ASAP3: variants seen among roughly 807,000 people sequenced by gnomAD.
ASAP3 encodes the protein arf-GAP with SH3 domain, ANK repeat and PH domain-containing protein 3.
ASAP3 carries 85 observed loss-of-function variants against 118.2 expected under a neutral mutation model. That is an observed-to-expected ratio of 0.72 (90% CI 0.60 to 0.86). ASAP3 has a LOEUF of 0.86. Ranked by LOEUF, ASAP3 falls within the 40% of genes least tolerant of loss-of-function variation. The probability of loss-of-function intolerance (pLI) is 0.00; values close to 1 mark genes in which losing one functional copy is unlikely to be tolerated. For missense variants in ASAP3, 1,026 were observed against 1,175.0 expected, an observed-to-expected ratio of 0.87 and a Z score of 1.85; for synonymous variants, 432 against 477.4, an observed-to-expected ratio of 0.90 and a Z score of 1.24.
intron 17 of ASAP3, 128 bp from the exon 18 acceptor site, chr1:23,434,746 A>T: frequency 1.2e-6 from 1 of 824,376 alleles, no homozygotes; most frequent in Non-Finnish European, 2.0e-6. Flanking sequence ...TGGAGAGATG[A>T]GACTGCAAGG....
chr1:23,451,663 GC>G, intron 4 of ASAP3, 135 bp from the exon 5 acceptor site: 1 of 939,676 alleles, frequency 1.1e-6, no homozygotes. Context: ...ACCAGCCCCT[GC>G]CCCCACAGTC....
Position 23,435,652 on chromosome 1 carries a change from A to G in ASAP3, c.1749+199T>C, listed in dbSNP as rs1006584070. 48 of 655,118 alleles carry G rather than the reference A, an allele frequency of 7.3e-5. No individual in the cohort carries two copies. In the African/African-American group the frequency reaches 8.6e-4, roughly 12 times the overall value. 40.6% of individuals were successfully genotyped at this position (655,118 alleles called of 1,614,324 possible). On this transcript the variant is annotated intron_variant, in intron 17 of 24. Transcript: ENST00000336689. The stretch of plus-strand genomic sequence containing the variant: ...AGAAGTAACCTGCCCTAGATCACAC[A>G]GCTAGGAAAAAACAGAGCCAGGATT...
chr1:23,436,949 A>T lies in ASAP3; in HGVS notation c.1438T>A (p.Ser480Thr). ...ELGVRFSRMQ[S>T]LTLDLLGPSE... ...GGGCCCAGCAGGTCCAAGGTGAGTG[A>T]CTGCATGCGCGAAAAGCGCACGCCC... Residue 480 changes from serine to threonine, a missense_variant, in exon 15 of 25, where the codon TCA (serine) becomes ACA (threonine). Transcript: ENST00000336689. This position sits in a 1 kb window ranked among gnomAD's most constrained non-coding sequence, Gnocchi z 4.2. 5 of 1,612,118 alleles carry T rather than the reference A, an allele frequency of 3.1e-6. No homozygotes were observed. The South Asian group carries it at 5.5e-5, about 18-fold the overall frequency.
chr1:23,433,596 C>T (rs1179160316), intron 20 of ASAP3, 30 bp downstream of exon 20: 7 of 1,614,076 alleles, frequency 4.3e-6, no homozygotes, highest in African/African-American at 1.3e-5. Flanking sequence ...GAGAAAGAGT[C>T]AGGGGCCCCT....
chr1:23,442,328 G>T, intron 6 of ASAP3, 57 bp from the exon 7 acceptor site: 1 of 1,570,136 alleles, frequency 6.4e-7, no homozygotes, highest in South Asian at 1.2e-5. Context: ...TCCTGGGAAC[G>T]AGGGGCTGCA....
At chr1:23,463,294 C>T (rs531707947) in intron 1 of ASAP3, among the ~76,000 whole-genome samples, 1 of 152,192 alleles carries the variant, frequency 6.6e-6, no homozygotes, top group African/African-American at 2.4e-5. Flanking sequence ...ATCTGAAAAT[C>T]ATTTACACTG....
upstream of ASAP3, chr1:23,484,256 A>ACGCCC (rs1642437607): frequency 7.1e-6 from 6 of 845,486 alleles, no homozygotes; most frequent in South Asian, 3.9e-4. Flanking sequence ...GCCCCTCCGC[A>ACGCCC]CGCCCCGCCC....
chr1:23,451,902 C>T (rs1313104238), intron 4 of ASAP3, among the ~76,000 whole-genome samples: 2 of 152,162 alleles, frequency 1.3e-5, no homozygotes, highest in South Asian at 4.1e-4. Flanking sequence ...CCAAATTCCC[C>T]CTGCCTAACT....
intron 1 of ASAP3, among the ~76,000 whole-genome samples, chr1:23,477,437 G>C (rs928990624): frequency 3.3e-5 from 5 of 150,620 alleles, no homozygotes; most frequent in Admixed American, 2.6e-4. Context: ...ACGTGGAGGT[G>C]AGAGGTCGCA....
At chr1:23,457,418 T>C (rs918461376) in intron 1 of ASAP3, among the ~76,000 whole-genome samples, 1 of 151,968 alleles carries the variant, frequency 6.6e-6, no homozygotes. Context: ...CAATGTGGAG[T>C]GTTCTCAGAG....
At chr1:23,461,066 G>A (rs973268820) in intron 1 of ASAP3, among the ~76,000 whole-genome samples, 2 of 152,204 alleles carry the variant, frequency 1.3e-5, no homozygotes, top group African/African-American at 2.4e-5. Flanking sequence ...TAGTGAGGAG[G>A]AACAGGTGAA....
chr1:23,469,260 T>G (rs1422455923), intron 1 of ASAP3, among the ~76,000 whole-genome samples: 1 of 151,138 alleles, frequency 6.6e-6, no homozygotes, highest in African/African-American at 2.4e-5. Context: ...GAGCTCTGAT[T>G]GCACCACTGC....
At chr1:23,464,004 T>C (rs574150138) in intron 1 of ASAP3, among the ~76,000 whole-genome samples, 4 of 152,176 alleles carry the variant, frequency 2.6e-5, no homozygotes, top group African/African-American at 4.8e-5. Flanking sequence ...TTTCTGCCTC[T>C]GTGTGAGATC....
intron 1 of ASAP3, among the ~76,000 whole-genome samples, chr1:23,480,494 C>T (rs1642273271): frequency 6.6e-6 from 1 of 152,196 alleles, no homozygotes; most frequent in African/African-American, 2.4e-5. Flanking sequence ...CCTCATTGCA[C>T]CAGTCCTTAC....
intron 22 of ASAP3, among the ~76,000 whole-genome samples, chr1:23,432,189 T>C (rs1476909297): frequency 6.6e-6 from 1 of 151,938 alleles, no homozygotes; most frequent in Non-Finnish European, 1.5e-5. Flanking sequence ...GCATTTTTAG[T>C]AGAGATGGGG....
At position 23,455,971 on chromosome 1, in the gene ASAP3, G is replaced by C. The variant is rs372043920; in HGVS notation, c.258C>G (p.Ser86Arg). The change falls in exon 3 of 25, where the codon AGC becomes AGG. Residue 86 changes from serine (S) to arginine (R), a missense_variant. Transcript: ENST00000336689. Reference protein sequence around the residue: ...YREAVESLGNSHLSQNSHELS... With the variant: ...YREAVESLGNRHLSQNSHELS... ...GCTCATGGCTGTTCTGGGACAGGTG[G>C]CTGTTGCCTAAGGATTCCACGGCCT... 6.2e-7 allele frequency: 1 copy of C among 1,614,022 alleles called. No homozygotes were observed.
intron 1 of ASAP3, among the ~76,000 whole-genome samples, chr1:23,462,276 G>A (rs930599708): frequency 3.3e-5 from 5 of 150,892 alleles, no homozygotes; most frequent in African/African-American, 9.7e-5. Context: ...CGCCTGCCTC[G>A]GCCTCCCAAA....
In ASAP3 at chr1:23,437,244, C is replaced by T. The variant is rs1403997568; in HGVS notation, c.1228G>A (p.Gly410Arg). ...AFLGEPSAGP[G>R]SWGSAGHDGE... is the part of the protein sequence containing the mutation. ...TCATGGCCGGCGGACCCCCAGGACC[C>T]CGGGCCAGCGCTGGGCTCCCCGAGG... Residue 410 changes from glycine to arginine, a missense_variant, in exon 14 of 25, where the codon GGG becomes AGG. Gly to Arg is a moderately radical substitution (Grantham distance 125). Transcript: ENST00000336689. The surrounding 1 kb of genome is among the most constrained non-coding windows in gnomAD (Gnocchi z 6.1). The T allele has an allele frequency of 2.5e-6, 4 of 1,591,118 alleles. No individual in the cohort carries two copies. Among genetic ancestry groups the T allele is most frequent in the Non-Finnish European group, 1.7e-6 (2 of 1,169,132 alleles).
intron 3 of ASAP3, among the ~76,000 whole-genome samples, chr1:23,455,471 A>C (rs1050268731): frequency 1.3e-5 from 2 of 152,194 alleles, no homozygotes; most frequent in African/African-American, 4.8e-5. Flanking sequence ...TTGGGAAAGC[A>C]GAGGACAAAG....
Sources: gnomAD v4.1 joint callset for allele counts (sites outside exome capture counted in the v4.1 genomes callset) on GRCh38, gnomAD v4.1.1 for gene constraint, Gnocchi (gnomAD v3.1) non-coding constraint, MANE v1.5 for transcripts, NCBI Gene and HGNC (gene_info 2026-07-23, HGNC 2026-07-21) for gene names.